Variants in CLCN4 observed in about 807,000 individuals in gnomAD.
CLCN4 encodes the protein Cl-/H+ antiporter 4.
In CLCN4, 1 loss-of-function variant was observed where a neutral mutation model predicts 41.7. The ratio of observed to expected loss-of-function variants is 0.02; its 90% confidence interval spans 0.01 to 0.11. The LOEUF (loss-of-function observed/expected upper bound fraction) is 0.11, where lower values mean the gene tolerates loss of function less well. Ranked by LOEUF, CLCN4 falls within the 10% of genes least tolerant of loss-of-function variation. The pLI, the probability that CLCN4 is intolerant of heterozygous loss-of-function variation, is 1.00. For missense variants in CLCN4, 287 were observed against 661.0 expected, an observed-to-expected ratio of 0.43 and a Z score of 6.20; for synonymous variants, 277 against 285.8, an observed-to-expected ratio of 0.97 and a Z score of 0.31.
intron 4 of CLCN4, among the ~76,000 whole-genome samples, chrX:10,193,020 G>A (rs1311047866): frequency 1.8e-5 from 2 of 112,045 alleles, no homozygotes; most frequent in Non-Finnish European, 3.8e-5. Flanking sequence ...TCGGATGGTG[G>A]TGGACTGAAG....
At chrX:10,203,066 G>A (rs941338231) in intron 6 of CLCN4, among the ~76,000 whole-genome samples, 3 of 111,794 alleles carry the variant, frequency 2.7e-5, no homozygotes, top group African/African-American at 6.5e-5. Context: ...ATAAAATCAT[G>A]TTAGAGAATT....
intron 12 of CLCN4, among the ~76,000 whole-genome samples, chrX:10,230,842 C>T (rs1321763994): frequency 8.9e-6 from 1 of 112,021 alleles, no homozygotes; most frequent in Non-Finnish European, 1.9e-5. Flanking sequence ...AATATCAATA[C>T]ATTATTATTA....
At chrX:10,159,119 A>C (rs1923030473) in intron 2 of CLCN4, among the ~76,000 whole-genome samples, 1 of 102,286 alleles carries the variant, frequency 9.8e-6, no homozygotes, top group Non-Finnish European at 2.0e-5. Context: ...TACAGGGCAT[A>C]CGTCAGAAAC....
At chrX:10,185,878 C>A (rs1334813757) in intron 3 of CLCN4, among the ~76,000 whole-genome samples, 1 of 111,488 alleles carries the variant, frequency 9.0e-6, no homozygotes, top group Non-Finnish European at 1.9e-5. Flanking sequence ...GAGGAGTTTG[C>A]ATTTCATGCT....
At chrX:10,163,420 T>A (rs1923162091) in intron 2 of CLCN4, among the ~76,000 whole-genome samples, 1 of 109,992 alleles carries the variant, frequency 9.1e-6, no homozygotes, top group Non-Finnish European at 1.9e-5. Flanking sequence ...TTTTCTTTTT[T>A]TTTTTGAGAT....
At chrX:10,163,985 G>A (rs1307718923) in intron 2 of CLCN4, among the ~76,000 whole-genome samples, 1 of 112,870 alleles carries the variant, frequency 8.9e-6, no homozygotes, top group Non-Finnish European at 1.9e-5. Flanking sequence ...TACAAGTCTA[G>A]GCAGTGGGAT....
chrX:10,222,488 C>T (rs917767732), intron 12 of CLCN4, among the ~76,000 whole-genome samples: 14 of 111,415 alleles, frequency 1.3e-4, no homozygotes, highest in Non-Finnish European at 2.4e-4. Context: ...TCTAGTTTAA[C>T]ACAGCAGTTC....
At chrX:10,181,694 C>T (rs1023927320) in intron 2 of CLCN4, among the ~76,000 whole-genome samples, 1 of 111,830 alleles carries the variant, frequency 8.9e-6, no homozygotes, top group African/African-American at 3.3e-5. Flanking sequence ...TAGGTGATTT[C>T]CTGCTTTCTT....
In CLCN4 at chrX:10,204,404, T is replaced by C. The variant is rs1344271671; in HGVS notation, c.556-1954T>C. Among the ~76,000 whole-genome samples the C allele has an allele frequency of 2.7e-5, 3 of 111,797 alleles. No individual in the cohort carries two copies. The South Asian group carries it at 1.1e-3, about 42-fold the overall frequency. Reference sequence around the variant, plus strand: ...CCCCAAACATATATCATTGGAATGTTGAGCGTCTTCTTCATTTTCTACTGT... The same window carrying C: ...CCCCAAACATATATCATTGGAATGTCGAGCGTCTTCTTCATTTTCTACTGT... On this transcript the variant is annotated intron_variant, in intron 6 of 12. Transcript: ENST00000380833.
Position 10,208,281 on chromosome X carries a change from C to T in CLCN4, c.1080C>T (p.Arg360=). Residue 360 remains arginine (R), a synonymous_variant, in exon 9 of 13, where the codon CGC becomes CGT. Coordinates refer to ENST00000380833, the MANE Select transcript of CLCN4 (RefSeq NM_001830.4). ...GCAACATCGCCTGGTGCAGGAGGCG[C>T]AAGACCACCAGGCTGGGGAAGTACC... ...IRCNIAWCRR[R]KTTRLGKYPV... is the part of the protein sequence containing the mutation. The T allele has an allele frequency of 8.3e-7, 1 of 1,211,490 alleles. No individual in the cohort carries two copies. The highest frequency in any genetic ancestry group is 1.7e-5 in the African/African-American group (1 of 57,723).
In CLCN4 at chrX:10,211,031, C is replaced by T. The variant is rs758565022; in HGVS notation, c.1390-1436C>T. Among the ~76,000 whole-genome samples the T allele has an allele frequency of 9.9e-4, 102 of 103,413 alleles. 1 individual carries two copies. The highest frequency in any genetic ancestry group is 3.4e-3 in the African/African-American group (97 of 28,328). The allele number at this position is 103,413 out of a possible 115,157, so 89.8% of individuals were successfully genotyped here. On this transcript the variant is annotated intron_variant, in intron 9 of 12. Coordinates refer to ENST00000380833, the MANE Select transcript of CLCN4 (RefSeq NM_001830.4). ...CTGTAATCCAAGCACTTTGGGAGGC[C>T]AAGGTGGGTGGATCACTTGAGGTCA...
At chrX:10,159,543 A>G in intron 2 of CLCN4, among the ~76,000 whole-genome samples, 1 of 111,049 alleles carries the variant, frequency 9.0e-6, no homozygotes, top group Non-Finnish European at 1.9e-5. Flanking sequence ...TTTCCCCTCT[A>G]AAACCTGACC....
intron 10 of CLCN4, among the ~76,000 whole-genome samples, chrX:10,213,076 T>G (rs1167878082): frequency 1.8e-5 from 2 of 111,987 alleles, no homozygotes; most frequent in Non-Finnish European, 3.8e-5. Context: ...TGAATATCTC[T>G]TGTAATTTAT....
chrX:10,166,369 C>T (rs951970519), intron 2 of CLCN4, among the ~76,000 whole-genome samples: 5 of 112,301 alleles, frequency 4.5e-5, no homozygotes. Context: ...TGCTTGGTTA[C>T]GGCAGCCCTA....
At chrX:10,163,746 G>A (rs1923172199) in intron 2 of CLCN4, among the ~76,000 whole-genome samples, 1 of 112,001 alleles carries the variant, frequency 8.9e-6, no homozygotes, top group South Asian at 3.7e-4. Context: ...CCTTGGGTCT[G>A]TGCGTCTAGG....
rs1925266024 is a variant in CLCN4, at chrX:10,236,842, T to C, written c.*3258T>C. ...TCAACACATCATGGGAAAGGAGCTC[T>C]TTCATGATATACATCACATGTTTCT... On this transcript the variant is annotated 3_prime_UTR_variant, in exon 13 of 13. Transcript: ENST00000380833. 1 of 111,650 alleles carries C rather than the reference T, an allele frequency of 9.0e-6. No individual in the cohort carries two copies. The highest frequency in any genetic ancestry group is 3.3e-5 in the African/African-American group (1 of 30,663). 9.2% of individuals were successfully genotyped at this position (111,650 alleles called of 1,213,427 possible).
intron 2 of CLCN4, among the ~76,000 whole-genome samples, chrX:10,169,791 C>CT (rs768158943): frequency 0.028 from 1,629 of 58,492 alleles, 41 homozygotes; most frequent in African/African-American, 0.13. Flanking sequence ...CTTTTCTTTT[C>CT]TTTTTTTTTT....
At chrX:10,213,441 C>G (rs781029074) in intron 10 of CLCN4, among the ~76,000 whole-genome samples, 1 of 111,962 alleles carries the variant, frequency 8.9e-6, no homozygotes, top group South Asian at 3.7e-4. Context: ...AATAGACAAC[C>G]CGGGATCCGT....
Position 10,213,988 on chromosome X carries a change from G to A in CLCN4, c.1884G>A (p.Glu628=), listed in dbSNP as rs146756322. The change falls in exon 11 of 13, where the codon GAG becomes GAA. Residue 628 remains glutamate, a synonymous_variant. Transcript: ENST00000380833. ...TVEDVETLIK[E]TDYNGFPVVV... is the part of the protein sequence containing the mutation. ...AGGACGTGGAGACGCTCATCAAGGA[G>A]ACCGACTACAACGGCTTCCCCGTGG... 8.3e-7 allele frequency: 1 copy of A among 1,210,006 alleles called. No individual in the cohort carries two copies. The highest frequency in any genetic ancestry group is 1.1e-6 in the Non-Finnish European group (1 of 894,859).
Sources: allele counts gnomAD v4.1 joint callset (sites outside exome capture counted in the v4.1 genomes callset), GRCh38; gene constraint gnomAD v4.1.1; transcripts MANE v1.5; gene names NCBI Gene and HGNC (gene_info 2026-07-23, HGNC 2026-07-21).